Variants in GMNN observed in about 807,000 individuals in gnomAD.
The protein encoded by GMNN is geminin.
GMNN carries 14 observed loss-of-function variants against 20.9 expected under a neutral mutation model. That is an observed-to-expected ratio of 0.67 (90% CI 0.44 to 1.05). GMNN has a LOEUF of 1.05. Among genes scored for constraint, GMNN ranks in the 50% least tolerant of loss-of-function variants. GMNN has a pLI of 0.00. For missense variants in GMNN, 227 were observed against 243.8 expected, an observed-to-expected ratio of 0.93 and a Z score of 0.46; for synonymous variants, 81 against 85.8, an observed-to-expected ratio of 0.94 and a Z score of 0.31.
At chr6:24,782,294 A>G (rs1026231724) in intron 4 of GMNN, among the ~76,000 whole-genome samples, 2 of 152,214 alleles carry the variant, frequency 1.3e-5, no homozygotes. Flanking sequence ...AAGAGTAAAG[A>G]TGAATGAGAA....
At chr6:24,784,040 T>G in intron 4 of GMNN, 47 bp from the exon 5 acceptor site, 2 of 859,514 alleles carry the variant, frequency 2.3e-6, no homozygotes, top group Non-Finnish European at 3.7e-6. Context: ...AATTACTGGG[T>G]TTTGACAGTA....
intron 3 of GMNN, 49 bp downstream of exon 3, chr6:24,780,789 T>G: frequency 1.2e-6 from 1 of 854,196 alleles, no homozygotes; most frequent in Non-Finnish European, 2.0e-6. Context: ...AGTGTCTACA[T>G]CGAAAACATT....
chr6:24,784,789 A>T, intron 6 of GMNN, among the ~76,000 whole-genome samples: 1 of 152,254 alleles, frequency 6.6e-6, no homozygotes, highest in East Asian at 1.9e-4. Flanking sequence ...TAGACTTGTT[A>T]TGAGAATTAA....
intron 2 of GMNN, 107 bp downstream of exon 2, chr6:24,777,404 G>A: frequency 2.0e-6 from 1 of 487,974 alleles, no homozygotes; most frequent in East Asian, 3.4e-5. Context: ...TGTAAGCCTT[G>A]AGTTAGTCAG....
chr6:24,777,023 TTA>T (rs1205965904), intron 1 of GMNN, 197 bp from the exon 2 acceptor site: 1 of 340,156 alleles, frequency 2.9e-6, no homozygotes, highest in African/African-American at 2.1e-5. Context: ...GCTATAATTA[TTA>T]TGTGTGTATA....
chr6:24,776,341 G>A (rs1333043856), intron 1 of GMNN, among the ~76,000 whole-genome samples: 1 of 152,060 alleles, frequency 6.6e-6, no homozygotes, highest in Non-Finnish European at 1.5e-5. Context: ...CAGGTGATCC[G>A]CTTGCCTCGA....
intron 4 of GMNN, among the ~76,000 whole-genome samples, chr6:24,783,875 C>T (rs959545334): frequency 4.6e-5 from 7 of 151,736 alleles, no homozygotes; most frequent in Non-Finnish European, 7.4e-5. Flanking sequence ...AAGATATATA[C>T]GTATTGTACT....
At chr6:24,777,095 TGA>T (rs1780092290) in intron 1 of GMNN, 125 bp from the exon 2 acceptor site, 2 of 414,630 alleles carry the variant, frequency 4.8e-6, no homozygotes, top group African/African-American at 2.1e-5. Context: ...TTGACAGGGC[TGA>T]GTTTGGATTA....
chr6:24,785,535 C>T, intron 6 of GMNN, 103 bp from the exon 7 acceptor site: 2 of 526,422 alleles, frequency 3.8e-6, no homozygotes, highest in Non-Finnish European at 6.6e-6. Flanking sequence ...TGAAAAAAAT[C>T]TCATAGCTAT....
Position 24,784,459 on chromosome 6 carries a change from G to T in GMNN, c.373G>T (p.Glu125Ter). 1.3e-6 allele frequency: 2 copies of T among 1,532,752 alleles called. No individual in the cohort carries two copies. Among genetic ancestry groups the T allele is most frequent in the South Asian group, 2.2e-5 (2 of 89,202 alleles). The allele number at this position is 1,532,752 out of a possible 1,614,324, so 94.9% of individuals were successfully genotyped here. A position where few individuals can be genotyped will look rare whatever the true frequency, so the allele number is the denominator to read the frequency against. Residue 125 changes from glutamate (E) to a stop codon, truncating the protein, a stop_gained, in exon 6 of 7, where the codon GAA becomes TAA. Coordinates refer to ENST00000230056, the MANE Select transcript of GMNN (RefSeq NM_015895.5). LOFTEE classifies it high-confidence loss of function. ...KENEKLHKEIEQKDNEIARLK... is the reference protein window; with the variant it reads ...KENEKLHKEI ...TGTAATACAGCTTCATAAAGAAATT[G>T]AACAAAAGGACAATGAAATTGCCCG...
At position 24,784,574 on chromosome 6, in the gene GMNN, T is replaced by C. The variant is rs778734454; in HGVS notation, c.468+20T>C. ...ATAGAGGTAGGTAATTTAATAGTTA[T>C]CTGGTTCAAATTTATGTATTTTTCT... is the stretch of plus-strand genomic sequence containing the variant. On this transcript the variant is annotated intron_variant, in intron 6 of 6. Transcript: ENST00000230056. 6 of 987,850 alleles carry C rather than the reference T, an allele frequency of 6.1e-6. No homozygotes were observed. The highest frequency in any genetic ancestry group is 8.1e-6 in the Non-Finnish European group (5 of 616,360). 61.2% of individuals were successfully genotyped at this position (987,850 alleles called of 1,614,324 possible).
rs1344032298 is a variant in GMNN, at chr6:24,775,217, C to G, written c.-53C>G. 6.6e-6 allele frequency: 1 copy of G among 152,404 alleles called. No individual in the cohort carries two copies. Among genetic ancestry groups the G allele is most frequent in the African/African-American group, 2.4e-5 (1 of 41,476 alleles). The allele number at this position is 152,404 out of a possible 1,614,324, so 9.4% of individuals were successfully genotyped here. A position where few individuals can be genotyped will look rare whatever the true frequency, so the allele number is the denominator to read the frequency against. On this transcript the variant is annotated 5_prime_UTR_variant, in exon 1 of 7. Coordinates refer to ENST00000230056, the MANE Select transcript of GMNN (RefSeq NM_015895.5). ...GGCCAACCTCTGAAGCCGCGTCCTA[C>G]TTTGACAGCTGCAGGGCCGCGGCCT...
At chr6:24,780,527 T>C in intron 2 of GMNN, 136 bp from the exon 3 acceptor site, 1 of 570,270 alleles carries the variant, frequency 1.8e-6, no homozygotes, top group Non-Finnish European at 3.2e-6. Context: ...GCAGACCAAA[T>C]GTTTGTGTTG....
At position 24,784,072 on chromosome 6, in the gene GMNN, A is replaced by T; in HGVS notation, c.275-15A>T. The T allele has an allele frequency of 2.5e-6, 3 of 1,222,882 alleles. No homozygotes were observed. The highest frequency in any genetic ancestry group is 3.5e-6 in the Non-Finnish European group (3 of 849,710). The allele number at this position is 1,222,882 out of a possible 1,614,324, so 75.8% of individuals were successfully genotyped here. ...AGTAATGATTTTTAAAGTTATATTT[A>T]AAATATTATTTTAGAAAATCCATCC... On this transcript the variant is annotated splice_polypyrimidine_tract_variant and intron_variant, in intron 4 of 6. Coordinates refer to ENST00000230056, the MANE Select transcript of GMNN (RefSeq NM_015895.5).
At chr6:24,783,175 C>T (rs1263021483) in intron 4 of GMNN, among the ~76,000 whole-genome samples, 1 of 152,106 alleles carries the variant, frequency 6.6e-6, no homozygotes, top group Non-Finnish European at 1.5e-5. Flanking sequence ...TGAAAGAACA[C>T]ATGTCATCTT....
In GMNN at chr6:24,785,891, C is replaced by T. The variant is rs1780343004; in HGVS notation, c.*92C>T. 4 of 736,088 alleles carry T rather than the reference C, an allele frequency of 5.4e-6. No homozygotes were observed. 45.6% of individuals were successfully genotyped at this position (736,088 alleles called of 1,614,324 possible). A position where few individuals can be genotyped will look rare whatever the true frequency, so the allele number is the denominator to read the frequency against. The stretch of plus-strand genomic sequence containing the variant: ...AGAGTACATAACTACATAATGCCAA[C>T]TCTGGAATCAAATTTCCTTGTTTGA... On this transcript the variant is annotated 3_prime_UTR_variant, in exon 7 of 7. Transcript: ENST00000230056.
Position 24,777,285 on chromosome 6 carries a change from AGAG to A in GMNN, c.40_42del (p.Glu14del). On this transcript the variant is annotated inframe_deletion, in exon 2 of 7. Transcript: ENST00000230056. ...TGAAGCAGAAACAAGAAGAAATCAA[AGAG>A]AATATAAAGGTATGTGATTGAATAA... The A allele has an allele frequency of 7.4e-7, 1 of 1,346,746 alleles. No homozygotes were observed. Among genetic ancestry groups the A allele is most frequent in the Non-Finnish European group, 1.0e-6 (1 of 965,104 alleles). The allele number at this position is 1,346,746 out of a possible 1,614,324, so 83.4% of individuals were successfully genotyped here.
At chr6:24,778,876 T>A (rs937112584) in intron 2 of GMNN, among the ~76,000 whole-genome samples, 1 of 152,216 alleles carries the variant, frequency 6.6e-6, no homozygotes, top group Non-Finnish European at 1.5e-5. Context: ...TTTCCTTCAG[T>A]GGATTAATTT....
chr6:24,776,233 G>T (rs1051176222), intron 1 of GMNN, among the ~76,000 whole-genome samples: 8 of 152,126 alleles, frequency 5.3e-5, no homozygotes, highest in African/African-American at 1.9e-4. Flanking sequence ...GAGTAGCTGG[G>T]ACTACAGACG....
Sources: gnomAD v4.1 joint callset for allele counts (sites outside exome capture counted in the v4.1 genomes callset) on GRCh38, gnomAD v4.1.1 for gene constraint, MANE v1.5 for transcripts, NCBI Gene and HGNC (gene_info 2026-07-23, HGNC 2026-07-21) for gene names.